Variants in FHIT observed in about 807,000 individuals in gnomAD.
The protein encoded by FHIT is fragile histidine triad diadenosine triphosphatase.
Under a neutral mutation model 17.9 loss-of-function variants are expected in FHIT, and 19 were observed. The ratio of observed to expected loss-of-function variants is 1.06; its 90% CI spans 0.74 to 1.56. FHIT has a LOEUF of 1.56. Among genes scored for constraint, FHIT ranks in the 40% most tolerant of loss-of-function variants. The pLI is 0.00. For missense variants in FHIT, 248 were observed against 189.2 expected (o/e 1.31, Z -1.82); for synonymous variants, 81 against 69.7 (o/e 1.16, Z -0.81).
intron 5 of FHIT, among the ~76,000 whole-genome samples, chr3:60,401,765 T>C (rs535678739): frequency 6.6e-6 from 1 of 152,290 alleles, no homozygotes; most frequent in Admixed American, 6.5e-5. Context: ...CAAATTCTGG[T>C]ACAAAAGCAG....
intron 5 of FHIT, among the ~76,000 whole-genome samples, chr3:60,494,879 G>A (rs574015224): frequency 2.2e-4 from 34 of 152,166 alleles, no homozygotes; most frequent in African/African-American, 5.5e-4. Context: ...TTCCTCTGCC[G>A]ATGGACACTT....
chr3:60,069,213 G>A (rs548804277), intron 5 of FHIT, among the ~76,000 whole-genome samples: 7 of 152,218 alleles, frequency 4.6e-5, no homozygotes, highest in African/African-American at 1.4e-4. Context: ...GAAGATGAAC[G>A]AGGAAGTAGA....
chr3:60,760,585 C>A (rs1028687365), intron 4 of FHIT, among the ~76,000 whole-genome samples: 5 of 152,062 alleles, frequency 3.3e-5, no homozygotes, highest in Admixed American at 3.3e-4. Flanking sequence ...TTTTCCTGCT[C>A]CCGTCAGCTT....
chr3:61,036,914 G>GT (rs1248064270), intron 3 of FHIT, among the ~76,000 whole-genome samples: 43 of 127,046 alleles, frequency 3.4e-4, no homozygotes, highest in South Asian at 9.9e-4. Flanking sequence ...TTTTTTTTTT[G>GT]TTTGTTTGTT....
chr3:60,734,116 G>T (rs192904485), intron 4 of FHIT, among the ~76,000 whole-genome samples: 72 of 152,236 alleles, frequency 4.7e-4, no homozygotes, highest in African/African-American at 1.7e-3. Context: ...AAGCAGGGAT[G>T]GAAAATATAC....
intron 4 of FHIT, among the ~76,000 whole-genome samples, chr3:60,805,481 A>G (rs1553733685): frequency 6.6e-6 from 1 of 152,026 alleles, no homozygotes. Context: ...TTATAAGGGC[A>G]CCAGTTGCAT....
intron 5 of FHIT, among the ~76,000 whole-genome samples, chr3:60,343,625 TTAA>T (rs1327313528): frequency 6.6e-6 from 1 of 152,178 alleles, no homozygotes; most frequent in Non-Finnish European, 1.5e-5. Context: ...TGAAACCTAA[TTAA>T]TAATGTTTCA....
chr3:60,778,062 G>A (rs1284027110), intron 4 of FHIT, among the ~76,000 whole-genome samples: 1 of 152,134 alleles, frequency 6.6e-6, no homozygotes, highest in Non-Finnish European at 1.5e-5. Context: ...GACATGTTTA[G>A]GTACATGGGA....
At chr3:60,787,697 C>T (rs1204055467) in intron 4 of FHIT, among the ~76,000 whole-genome samples, 1 of 152,174 alleles carries the variant, frequency 6.6e-6, no homozygotes, top group Admixed American at 6.5e-5. Flanking sequence ...ACCTCAACAT[C>T]GATACTTGCC....
At chr3:60,965,334 A>G (rs1252375748) in intron 3 of FHIT, among the ~76,000 whole-genome samples, 3 of 152,184 alleles carry the variant, frequency 2.0e-5, no homozygotes. Context: ...CGATTCGTCT[A>G]ATCTTTTTTC....
intron 2 of FHIT, among the ~76,000 whole-genome samples, chr3:61,172,993 A>T (rs2038051422): frequency 6.6e-6 from 1 of 152,206 alleles, no homozygotes; most frequent in Non-Finnish European, 1.5e-5. Flanking sequence ...GCAATGAAAC[A>T]GGGCAGCAAC....
intron 4 of FHIT, among the ~76,000 whole-genome samples, chr3:60,625,684 T>C (rs1376818824): frequency 6.6e-6 from 1 of 152,196 alleles, no homozygotes; most frequent in Non-Finnish European, 1.5e-5. Context: ...TCCCATTCTG[T>C]GGAGTTTCTT....
chr3:59,758,140 A>C (rs551797669), intron 8 of FHIT, among the ~76,000 whole-genome samples: 1 of 152,330 alleles, frequency 6.6e-6, no homozygotes, highest in Admixed American at 6.5e-5. Context: ...ATTGACTTTT[A>C]AAAATCAAGG....
chr3:61,146,530 T>A (rs1189744029), intron 2 of FHIT, among the ~76,000 whole-genome samples: 1 of 152,082 alleles, frequency 6.6e-6, no homozygotes, highest in African/African-American at 2.4e-5. Context: ...AGCAGTTTTA[T>A]GCATACGTAA....
rs7646420 is a variant in FHIT at position 59,861,620 on chromosome 3, T to A, written c.348+60726A>T. On this transcript the variant is annotated intron_variant, in intron 8 of 9. Coordinates refer to ENST00000492590, the MANE Select transcript of FHIT (RefSeq NM_002012.4). ...AGGTCTCTGCACTGAGGAGGAACAATAAAGGAAGGTGATGAATTGCAAATC... is the reference window on the plus strand; with the variant it reads ...AGGTCTCTGCACTGAGGAGGAACAAAAAAGGAAGGTGATGAATTGCAAATC... Among the ~76,000 whole-genome samples, 7 of 152,296 alleles carry A rather than the reference T, an allele frequency of 4.6e-5. No individual in the cohort carries two copies. In the East Asian group the frequency reaches 1.4e-3, roughly 29 times the overall value.
chr3:60,024,640 C>T (rs977891388), intron 5 of FHIT, among the ~76,000 whole-genome samples: 1 of 152,140 alleles, frequency 6.6e-6, no homozygotes, highest in African/African-American at 2.4e-5. Context: ...ACAAAGGCAA[C>T]TGACATAGTA....
At chr3:60,037,568 G>A (rs745599985) in intron 5 of FHIT, among the ~76,000 whole-genome samples, 5 of 151,866 alleles carry the variant, frequency 3.3e-5, no homozygotes, top group South Asian at 2.1e-4. Context: ...TTTTAGTAGA[G>A]ACAGGGTTTC....
chr3:60,862,373 GC>G (rs1703952824), intron 3 of FHIT, among the ~76,000 whole-genome samples: 1 of 151,930 alleles, frequency 6.6e-6, no homozygotes, highest in Middle Eastern at 3.2e-3. Flanking sequence ...TCACTTTGTT[GC>G]CCAGGCTGGT....
At chr3:60,054,494 C>A (rs112152754) in intron 5 of FHIT, among the ~76,000 whole-genome samples, 2,448 of 152,316 alleles carry the variant, frequency 0.016, 28 homozygotes, top group Non-Finnish European at 0.022. Flanking sequence ...AACCCAAGCA[C>A]ACACTTGTCA....
Sources: allele counts gnomAD v4.1 joint callset (sites outside exome capture counted in the v4.1 genomes callset), GRCh38; gene constraint gnomAD v4.1.1; transcripts MANE v1.5; gene names NCBI Gene and HGNC (gene_info 2026-07-23, HGNC 2026-07-21).